The following ST6GAL1 variants were observed in gnomAD, a reference collection of about 807,000 sequenced individuals.
ST6GAL1 encodes beta-galactoside alpha-2,6-sialyltransferase 1.
In ST6GAL1, 20 loss-of-function variants were observed where a neutral mutation model predicts 38.0. The observed-to-expected ratio is 0.53, with a 90% CI of 0.37 to 0.77. ST6GAL1 has a LOEUF of 0.77. ST6GAL1 is among the 30% of genes least tolerant of loss of function. The probability of loss-of-function intolerance (pLI) is 0.00; values close to 1 mark genes in which losing one functional copy is unlikely to be tolerated. For synonymous variants in ST6GAL1, 196 were observed against 188.2 expected (o/e 1.04, Z -0.34); for missense variants, 432 against 496.4 (o/e 0.87, Z 1.23).
chr3:187,001,728 C>T (rs1179484874), intron 2 of ST6GAL1, among the ~76,000 whole-genome samples: 5 of 152,074 alleles, frequency 3.3e-5, no homozygotes, highest in African/African-American at 4.8e-5. Flanking sequence ...GAGGCCCAGG[C>T]GGGCAGATCA....
intron 1 of ST6GAL1, among the ~76,000 whole-genome samples, chr3:186,960,834 C>T (rs1200066310): frequency 6.6e-5 from 10 of 151,826 alleles, no homozygotes; most frequent in African/African-American, 2.2e-4. Context: ...GGCCCGCGGC[C>T]ACTAGACTCA....
chr3:187,027,607 C>A (rs1257801559), intron 2 of ST6GAL1, among the ~76,000 whole-genome samples: 1 of 152,090 alleles, frequency 6.6e-6, no homozygotes, highest in South Asian at 2.1e-4. Context: ...CCCCTTCTTG[C>A]CCCGTCTTCT....
chr3:186,990,823 A>G (rs1198231707), intron 2 of ST6GAL1, among the ~76,000 whole-genome samples: 1 of 151,778 alleles, frequency 6.6e-6, no homozygotes, highest in African/African-American at 2.4e-5. Flanking sequence ...CAAAAAAGAA[A>G]AAAAAAAAGG....
chr3:187,035,036 T>C (rs116211531), intron 2 of ST6GAL1, among the ~76,000 whole-genome samples: 2,520 of 152,308 alleles, frequency 0.017, 71 homozygotes, highest in African/African-American at 0.056. Context: ...CTGGAACTAA[T>C]AAACAACTTC....
intron 2 of ST6GAL1, among the ~76,000 whole-genome samples, chr3:186,971,509 G>A (rs1715348848): frequency 3.9e-5 from 6 of 152,212 alleles, no homozygotes; most frequent in Admixed American, 3.9e-4. Flanking sequence ...CTGGCTGTCT[G>A]AATCTAGACC....
chr3:186,992,099 C>G (rs973327378), intron 2 of ST6GAL1, among the ~76,000 whole-genome samples: 1 of 152,122 alleles, frequency 6.6e-6, no homozygotes, highest in Non-Finnish European at 1.5e-5. Flanking sequence ...TTCCAAAATT[C>G]TAAATGTAGT....
chr3:187,073,019 T>G, intron 6 of ST6GAL1, 72 bp downstream of exon 6: 1 of 1,279,372 alleles, frequency 7.8e-7, no homozygotes, highest in East Asian at 2.3e-5. Flanking sequence ...TTTCCTAGGT[T>G]TTTAAAGTCA....
intron 1 of ST6GAL1, among the ~76,000 whole-genome samples, chr3:186,937,898 C>T (rs1714021884): frequency 2.0e-5 from 3 of 152,020 alleles, no homozygotes; most frequent in Admixed American, 6.6e-5. Flanking sequence ...CATGGTGAAA[C>T]CCTGTCTCTA....
chr3:187,065,962 A>C (rs1239209267), intron 5 of ST6GAL1, among the ~76,000 whole-genome samples: 2 of 152,134 alleles, frequency 1.3e-5, no homozygotes, highest in Admixed American at 6.5e-5. Context: ...TAAGCGACAG[A>C]GGTGGGATTT....
chr3:187,033,602 GTA>G (rs1717829454), intron 2 of ST6GAL1, among the ~76,000 whole-genome samples: 1 of 151,996 alleles, frequency 6.6e-6, no homozygotes. Context: ...AAGATTTTAA[GTA>G]TTTTCTCCCC....
chr3:187,009,932 G>T (rs1560161340), intron 2 of ST6GAL1, among the ~76,000 whole-genome samples: 1 of 152,064 alleles, frequency 6.6e-6, no homozygotes, highest in African/African-American at 2.4e-5. Flanking sequence ...TTGAACCCGG[G>T]AGTCGGAGGT....
At chr3:187,022,216 AG>A (rs1717340378) in intron 2 of ST6GAL1, among the ~76,000 whole-genome samples, 1 of 152,098 alleles carries the variant, frequency 6.6e-6, no homozygotes, top group Non-Finnish European at 1.5e-5. Flanking sequence ...ACTGAATTAG[AG>A]GACACCAAGC....
chr3:187,068,321 A>C (rs1484345167), intron 5 of ST6GAL1, among the ~76,000 whole-genome samples: 1 of 147,870 alleles, frequency 6.8e-6, no homozygotes, highest in Non-Finnish European at 1.5e-5. Flanking sequence ...CAGCCTGGGC[A>C]ACAGAGCGAG....
Position 187,042,804 on chromosome 3 carries a change from A to G in ST6GAL1, c.101A>G (p.Tyr34Cys), listed in dbSNP as rs1718170472. 1.9e-6 allele frequency: 3 copies of G among 1,614,216 alleles called. No individual in the cohort carries two copies. Among genetic ancestry groups the G allele is most frequent in the Non-Finnish European group, 1.7e-6 (2 of 1,180,026 alleles). The change falls in exon 4 of 8, where the codon TAC becomes TGC. Residue 34 changes from tyrosine (Y) to cysteine (C), a missense_variant. Coordinates refer to ENST00000169298, the MANE Select transcript of ST6GAL1 (RefSeq NM_173216.2). ...TGGAAGGAAAAGAAGAAAGGGAGTT[A>G]CTATGATTCCTTTAAATTGCAAACC... ...CVWKEKKKGS[Y>C]YDSFKLQTKE...
chr3:186,958,131 G>A (rs542717667), intron 1 of ST6GAL1, among the ~76,000 whole-genome samples: 1 of 148,648 alleles, frequency 6.7e-6, no homozygotes, highest in Admixed American at 6.7e-5. Flanking sequence ...GAATGTTGAG[G>A]GCTGAATTCG....
At chr3:186,990,757 G>T (rs1321133987) in intron 2 of ST6GAL1, among the ~76,000 whole-genome samples, 2 of 150,324 alleles carry the variant, frequency 1.3e-5, no homozygotes, top group Non-Finnish European at 3.0e-5. Context: ...AGGTTGCAGT[G>T]AGCCGAGATC....
At chr3:187,042,201 C>G (rs1718147665) in intron 3 of ST6GAL1, among the ~76,000 whole-genome samples, 1 of 151,776 alleles carries the variant, frequency 6.6e-6, no homozygotes, top group Non-Finnish European at 1.5e-5. Flanking sequence ...AACAGTCAGC[C>G]TGCTTTTTTT....
chr3:186,954,388 A>G (rs1256954869), intron 1 of ST6GAL1, among the ~76,000 whole-genome samples: 1 of 152,114 alleles, frequency 6.6e-6, no homozygotes, highest in East Asian at 1.9e-4. Flanking sequence ...CTGGTTCTAG[A>G]TCTTTGAGGA....
chr3:186,934,902 G>C (rs1019898665), intron 1 of ST6GAL1, among the ~76,000 whole-genome samples: 1 of 152,098 alleles, frequency 6.6e-6, no homozygotes, highest in East Asian at 1.9e-4. Flanking sequence ...GAGTAGCTGG[G>C]ACTACAGGTG....
Sources: allele counts gnomAD v4.1 joint callset (sites outside exome capture counted in the v4.1 genomes callset), GRCh38; gene constraint gnomAD v4.1.1; transcripts MANE v1.5; gene names NCBI Gene and HGNC (gene_info 2026-07-23, HGNC 2026-07-21).